The following PRKAR1B variants were observed in gnomAD, a reference collection of about 807,000 sequenced individuals.
PRKAR1B encodes protein kinase cAMP-dependent type I regulatory subunit beta.
Under a neutral mutation model 46.5 loss-of-function variants are expected in PRKAR1B, and 22 were observed. The ratio of observed to expected loss-of-function variants is 0.47; its 90% CI spans 0.34 to 0.68. The LOEUF (loss-of-function observed/expected upper bound fraction) is 0.68, where lower values mean the gene tolerates loss of function less well. Ranked by LOEUF, PRKAR1B falls within the 30% of genes least tolerant of loss-of-function variation. The pLI is 0.01. For missense variants in PRKAR1B, 445 were observed against 535.6 expected (o/e 0.83, Z 1.67); for synonymous variants, 259 against 217.7 (o/e 1.19, Z -1.67).
intron 4 of PRKAR1B, among the ~76,000 whole-genome samples, chr7:646,735 C>A (rs1290020504): frequency 6.6e-6 from 1 of 152,248 alleles, no homozygotes; most frequent in African/African-American, 2.4e-5. Flanking sequence ...GCTCAGCATC[C>A]TACGACGGGG....
chr7:566,510 T>C (rs1374399262), intron 9 of PRKAR1B, among the ~76,000 whole-genome samples: 2 of 151,918 alleles, frequency 1.3e-5, no homozygotes, highest in Non-Finnish European at 2.9e-5. Flanking sequence ...TTCATCACCA[T>C]CATGATCATC....
intron 4 of PRKAR1B, among the ~76,000 whole-genome samples, chr7:618,566 C>T (rs1782954131): frequency 1.3e-5 from 2 of 152,158 alleles, no homozygotes; most frequent in Admixed American, 6.5e-5. Context: ...AGTCCACATA[C>T]TCTAGATCTA....
chr7:583,432 A>C (rs1302099142), intron 8 of PRKAR1B, among the ~76,000 whole-genome samples: 1 of 51,992 alleles, frequency 1.9e-5, no homozygotes, highest in African/African-American at 9.4e-5. Flanking sequence ...ACACGCACAC[A>C]CCCACAGTGC....
chr7:628,697 G>A (rs1013477723), intron 4 of PRKAR1B, among the ~76,000 whole-genome samples: 2 of 152,200 alleles, frequency 1.3e-5, no homozygotes, highest in African/African-American at 2.4e-5. Flanking sequence ...TGTCTCAGGT[G>A]CACTGCAGGG....
intron 9 of PRKAR1B, among the ~76,000 whole-genome samples, chr7:563,726 G>T (rs1228751730): frequency 2.0e-5 from 3 of 152,102 alleles, no homozygotes; most frequent in South Asian, 2.1e-4. Flanking sequence ...GTGTGCATGG[G>T]TCTGCTTGGA....
intron 7 of PRKAR1B, among the ~76,000 whole-genome samples, chr7:594,763 C>G (rs1781174722): frequency 6.6e-6 from 1 of 151,800 alleles, no homozygotes; most frequent in Admixed American, 6.6e-5. Flanking sequence ...CATGAGGGGA[C>G]TCCCCCAGAC....
At chr7:657,404 G>GATGC (rs1464192308) in intron 4 of PRKAR1B, among the ~76,000 whole-genome samples, 1 of 149,538 alleles carries the variant, frequency 6.7e-6, no homozygotes, top group African/African-American at 2.5e-5. Context: ...TGGATGGATG[G>GATGC]ATGGATGGAT....
chr7:665,520 C>T (rs1785861384), intron 4 of PRKAR1B, among the ~76,000 whole-genome samples: 1 of 152,234 alleles, frequency 6.6e-6, no homozygotes, highest in South Asian at 2.1e-4. Flanking sequence ...GCTTCTAAAG[C>T]CTCCCGGGCT....
chr7:658,120 A>C (rs1228997239), intron 4 of PRKAR1B, among the ~76,000 whole-genome samples: 1 of 152,104 alleles, frequency 6.6e-6, no homozygotes, highest in Non-Finnish European at 1.5e-5. Flanking sequence ...GTGATTATGA[A>C]GACAAGAAAC....
chr7:675,965 G>A (rs1053398313), intron 4 of PRKAR1B, among the ~76,000 whole-genome samples: 1 of 151,908 alleles, frequency 6.6e-6, no homozygotes, highest in Non-Finnish European at 1.5e-5. Context: ...TAATAATAGA[G>A]ATTTAAAAAA....
At chr7:574,162 C>G (rs932015427) in intron 9 of PRKAR1B, among the ~76,000 whole-genome samples, 1 of 152,236 alleles carries the variant, frequency 6.6e-6, no homozygotes, top group African/African-American at 2.4e-5. Context: ...CTGGGAGGGG[C>G]CTTGCTCTGC....
chr7:592,256 G>A (rs991211181), intron 7 of PRKAR1B, among the ~76,000 whole-genome samples: 4 of 152,242 alleles, frequency 2.6e-5, no homozygotes, highest in Non-Finnish European at 5.9e-5. Flanking sequence ...GCCTCACGTG[G>A]ACACTGCAGG....
chr7:572,112 G>A (rs868835745), intron 9 of PRKAR1B, among the ~76,000 whole-genome samples: 96 of 152,032 alleles, frequency 6.3e-4, no homozygotes, highest in African/African-American at 2.1e-3. Context: ...CCCCGAGGCT[G>A]ACGGCAGGTG....
intron 2 of PRKAR1B, among the ~76,000 whole-genome samples, chr7:696,226 G>A (rs977173037): frequency 2.0e-5 from 3 of 151,704 alleles, no homozygotes; most frequent in South Asian, 2.1e-4. Context: ...ACCTCCCAAA[G>A]TGCTGGGATG....
intron 9 of PRKAR1B, among the ~76,000 whole-genome samples, chr7:571,212 C>T (rs764410753): frequency 1.3e-5 from 2 of 152,104 alleles, no homozygotes; most frequent in Non-Finnish European, 2.9e-5. Flanking sequence ...CTGTCCAAGA[C>T]CCCAGCCAGG....
chr7:582,531 C>T (rs1281658897), intron 8 of PRKAR1B, among the ~76,000 whole-genome samples: 7 of 152,260 alleles, frequency 4.6e-5, no homozygotes, highest in Admixed American at 1.3e-4. Context: ...ACATTGCTGG[C>T]TGCTGCATTA....
chr7:553,893 C>T (rs1784402819), intron 9 of PRKAR1B, among the ~76,000 whole-genome samples: 1 of 152,274 alleles, frequency 6.6e-6, no homozygotes, highest in African/African-American at 2.4e-5. Flanking sequence ...GTTTATGAAT[C>T]CAGCTGATGG....
chr7:702,817 C>A (rs1393475115), intron 2 of PRKAR1B, among the ~76,000 whole-genome samples: 1 of 151,750 alleles, frequency 6.6e-6, no homozygotes, highest in East Asian at 1.9e-4. Context: ...GGGCAAGACT[C>A]CGTCTCAAAA....
chr7:698,673 G>C (rs995123461), intron 2 of PRKAR1B, among the ~76,000 whole-genome samples: 22 of 152,074 alleles, frequency 1.4e-4, no homozygotes, highest in African/African-American at 5.1e-4. Context: ...ACCACTCTCG[G>C]AGTAAACTGA....
Sources: allele counts gnomAD v4.1 joint callset (sites outside exome capture counted in the v4.1 genomes callset), GRCh38; gene constraint gnomAD v4.1.1; transcripts MANE v1.5; gene names NCBI Gene and HGNC (gene_info 2026-07-23, HGNC 2026-07-21).